The following MYO10 variants were observed in gnomAD, a reference collection of about 807,000 sequenced individuals.
The protein encoded by MYO10 is myosin X, also known as unconventional myosin-X.
Under a neutral mutation model 257.3 loss-of-function variants are expected in MYO10, and 133 were observed. The ratio of observed to expected loss-of-function variants is 0.52; its 90% confidence interval spans 0.45 to 0.60. The LOEUF (loss-of-function observed/expected upper bound fraction) is 0.60, where lower values mean the gene tolerates loss of function less well. Among genes scored for constraint, MYO10 ranks in the 20% least tolerant of loss-of-function variants. MYO10 has a pLI of 0.00. For missense variants in MYO10, 2,399 were observed against 2,635.7 expected, an observed-to-expected ratio of 0.91 and a Z score of 1.97; for synonymous variants, 1,104 against 1,028.6, an observed-to-expected ratio of 1.07 and a Z score of -1.40.
rs188873433 is a variant in MYO10 at position 16,866,579 on chromosome 5, T to A, written c.120+11030A>T. ...GGCAGCAGTTGCAATACAAGAGACA[T>A]GTAAGACTCAGGGGCTACAGCCATG... is the stretch of plus-strand genomic sequence containing the variant. On this transcript the variant is annotated intron_variant, in intron 2 of 40. Transcript: ENST00000513610. 9.9e-4 allele frequency among the ~76,000 whole-genome samples: 151 copies of A among 152,142 alleles called. 2 individuals are homozygous for A. Among genetic ancestry groups the A allele is most frequent in the African/African-American group, 3.4e-3 (143 of 41,492 alleles).
intron 40 of MYO10, 49 bp downstream of exon 40, chr5:16,668,228 T>G: frequency 6.5e-7 from 1 of 1,531,832 alleles, no homozygotes; most frequent in Non-Finnish European, 8.8e-7. Context: ...CCTGTTTTTC[T>G]GTTTTGTCAA....
chr5:16,894,301 G>A (rs1745160371), intron 1 of MYO10, among the ~76,000 whole-genome samples: 1 of 152,108 alleles, frequency 6.6e-6, no homozygotes, highest in African/African-American at 2.4e-5. Flanking sequence ...TGCTGGTCAG[G>A]TATTCTGTGA....
chr5:16,767,075 T>G (rs994043687), intron 10 of MYO10, among the ~76,000 whole-genome samples: 2 of 151,986 alleles, frequency 1.3e-5, no homozygotes, highest in South Asian at 4.2e-4. Context: ...TTCACTCTAA[T>G]TCTCTCACCA....
At chr5:16,805,506 G>T (rs926423601) in intron 3 of MYO10, among the ~76,000 whole-genome samples, 4 of 150,830 alleles carry the variant, frequency 2.7e-5, no homozygotes, top group African/African-American at 9.8e-5. Flanking sequence ...AAATCCTAAG[G>T]TCTATGAGAC....
At position 16,689,837 on chromosome 5, in the gene MYO10, G is replaced by A. The variant is rs370698288; in HGVS notation, c.3883C>T (p.Pro1295Ser). The A allele has an allele frequency of 6.2e-7, 1 of 1,612,510 alleles. No homozygotes were observed. The highest frequency in any genetic ancestry group is 1.3e-5 in the African/African-American group (1 of 74,826). The part of the protein sequence containing the change: ...DRTFHLIAES[P>S]EDASQWFSVL... ...GCGCAGACTCACCTGGCATCTTCTG[G>A]GGACTCTGCAATCAGGTGGAAAGTC... Residue 1295 changes from proline (P) to serine (S), a missense_variant, in exon 28 of 41, where the codon CCA (proline) becomes TCA (serine). Physicochemically the swap from Pro to Ser is moderately conservative, Grantham distance 74. Around this residue, in one of 3 missense-constraint regions of MYO10, gnomAD observed 1,820 missense variants for 1,939.4 expected, o/e 0.94. Coordinates refer to ENST00000513610, the MANE Select transcript of MYO10 (RefSeq NM_012334.3).
chr5:16,751,873 A>G (rs1448832143), intron 19 of MYO10, among the ~76,000 whole-genome samples: 1 of 152,208 alleles, frequency 6.6e-6, no homozygotes, highest in Non-Finnish European at 1.5e-5. Context: ...GCCATACTTC[A>G]GGACATGTAA....
Position 16,711,192 on chromosome 5 carries a change from C to T in MYO10, c.1983G>A (p.Gly661=). The change falls in exon 20 of 41, where the codon GGG becomes GGA. Residue 661 remains glycine (G), a synonymous_variant. Transcript: ENST00000513610. Reference sequence around the variant, plus strand: ...TGCGGATTCTCACAGTCTCCAGCATCCCTGAGTACCGCAGCTGGTTCAGCA... The same window carrying T: ...TGCGGATTCTCACAGTCTCCAGCATTCCTGAGTACCGCAGCTGGTTCAGCA... ...AVVLNQLRYS[G]MLETVRIRKA... is the part of the protein sequence containing the mutation. 6.2e-7 allele frequency: 1 copy of T among 1,613,582 alleles called. No homozygotes were observed. The highest frequency in any genetic ancestry group is 8.5e-7 in the Non-Finnish European group (1 of 1,179,716).
intron 40 of MYO10, among the ~76,000 whole-genome samples, chr5:16,667,983 T>C (rs1039149167): frequency 2.0e-5 from 3 of 152,128 alleles, no homozygotes; most frequent in Admixed American, 6.5e-5. Flanking sequence ...TAATATACTT[T>C]TTCAGGGACA....
chr5:16,835,847 A>G (rs1743298465), intron 2 of MYO10, among the ~76,000 whole-genome samples: 1 of 152,038 alleles, frequency 6.6e-6, no homozygotes, highest in Admixed American at 6.6e-5. Context: ...CAAAAACATT[A>G]ATATCATGCT....
chr5:16,726,492 CA>C (rs751167716), intron 19 of MYO10, among the ~76,000 whole-genome samples: 2 of 152,140 alleles, frequency 1.3e-5, no homozygotes, highest in African/African-American at 2.4e-5. Context: ...ACCTGAAGTG[CA>C]GGGTGGTTAA....
rs544174889 is a variant in MYO10 at position 16,671,275 on chromosome 5, G to A, written c.5430+147C>T. 41 of 1,053,710 alleles carry A rather than the reference G, an allele frequency of 3.9e-5. No individual in the cohort carries two copies. The African/African-American group carries it at 4.0e-4, about 10-fold the overall frequency. 65.3% of individuals were successfully genotyped at this position (1,053,710 alleles called of 1,614,324 possible). A position where few individuals can be genotyped will look rare whatever the true frequency, so the allele number is the denominator to read the frequency against. On this transcript the variant is annotated intron_variant, in intron 38 of 40. Coordinates refer to ENST00000513610, the MANE Select transcript of MYO10 (RefSeq NM_012334.3). ...GTGTAGCAGGTTTCATTCTACAAAC[G>A]AATGAAAGAGCAGCTGGTCTTGTCT... is the stretch of plus-strand genomic sequence containing the variant.
intron 19 of MYO10, among the ~76,000 whole-genome samples, chr5:16,718,127 C>T (rs1324115072): frequency 2.6e-5 from 4 of 152,210 alleles, no homozygotes; most frequent in Non-Finnish European, 5.9e-5. Context: ...ACTGGGTCCC[C>T]AGGCAGTGCC....
At chr5:16,683,621 T>C (rs6889243) in intron 30 of MYO10, among the ~76,000 whole-genome samples, 42,708 of 152,116 alleles carry the variant, frequency 0.28, 6,090 homozygotes, top group South Asian at 0.37. Flanking sequence ...ATTAAAAATA[T>C]TCCTCATGCT....
rs753837613 is a variant in MYO10, at chr5:16,699,479, G to A, written c.3527C>T (p.Pro1176Leu). Residue 1176 changes from proline to leucine, a missense_variant, in exon 26 of 41, where the codon CCG becomes CTG. By Grantham distance (98) the Pro-to-Leu change is moderately conservative. Around this residue, in one of 3 missense-constraint regions of MYO10, gnomAD observed 1,820 missense variants for 1,939.4 expected, o/e 0.94. Coordinates refer to ENST00000513610, the MANE Select transcript of MYO10 (RefSeq NM_012334.3). ...CATGTACAGAAAGCTGTGGAAATACGGCAGAGTGACACAGCTGTACACAGA... is the reference window on the plus strand; with the variant it reads ...CATGTACAGAAAGCTGTGGAAATACAGCAGAGTGACACAGCTGTACACAGA... The part of the protein sequence containing the change: ...RDSVYSCVTL[P>L]YFHSFLYMKG... 23 of 1,613,630 alleles carry A rather than the reference G, an allele frequency of 1.4e-5. No individual in the cohort carries two copies. The highest frequency in any genetic ancestry group is 1.0e-4 in the Admixed American group (6 of 59,994).
At chr5:16,668,242 C>T (rs767901539) in intron 40 of MYO10, 35 bp downstream of exon 40, 3 of 1,571,948 alleles carry the variant, frequency 1.9e-6, no homozygotes, top group Non-Finnish European at 2.6e-6. Flanking sequence ...TTGTCAAGAC[C>T]ATGAATAAAA....
rs181968886 is a variant in MYO10, at chr5:16,840,571, T to A, written c.121-22404A>T. Among the ~76,000 whole-genome samples the A allele has an allele frequency of 6.3e-4, 96 of 152,230 alleles. 2 individuals are homozygous for A. The East Asian group carries it at 0.016, about 26-fold the overall frequency. Reference sequence around the variant, plus strand: ...GAAAATACTCTGGTCCTGGCACTTATGACTCTTATGACTACCAGGAACAGA... The same window carrying A: ...GAAAATACTCTGGTCCTGGCACTTAAGACTCTTATGACTACCAGGAACAGA... On this transcript the variant is annotated intron_variant, in intron 2 of 40. Coordinates refer to ENST00000513610, the MANE Select transcript of MYO10 (RefSeq NM_012334.3).
chr5:16,890,314 AAC>A (rs981724716), intron 1 of MYO10, among the ~76,000 whole-genome samples: 1 of 151,874 alleles, frequency 6.6e-6, no homozygotes, highest in Admixed American at 6.5e-5. Flanking sequence ...TGCTGTGGAA[AAC>A]AGTTTGGCAG....
At chr5:16,768,488 T>C (rs1740944192) in intron 10 of MYO10, among the ~76,000 whole-genome samples, 1 of 151,994 alleles carries the variant, frequency 6.6e-6, no homozygotes, top group Admixed American at 6.6e-5. Context: ...TCCTGGTTGC[T>C]CATATTTCCA....
At chr5:16,874,261 G>T (rs1168514914) in intron 2 of MYO10, among the ~76,000 whole-genome samples, 3 of 148,286 alleles carry the variant, frequency 2.0e-5, no homozygotes, top group African/African-American at 7.4e-5. Flanking sequence ...GTGAACCCGG[G>T]ACGTAGAGCT....
Sources: allele counts gnomAD v4.1 joint callset (sites outside exome capture counted in the v4.1 genomes callset), GRCh38; gene constraint gnomAD v4.1.1; regional missense constraint gnomAD v4.1.1; transcripts MANE v1.5; gene names NCBI Gene and HGNC (gene_info 2026-07-23, HGNC 2026-07-21).